CAPN7: variants seen among roughly 807,000 people sequenced by gnomAD.
The protein encoded by CAPN7 is calpain 7.
A neutral mutation model predicts 115.2 loss-of-function variants in CAPN7; 72 were observed. That is an observed-to-expected ratio of 0.63 (90% CI 0.52 to 0.76). The LOEUF is 0.76. Among genes scored for constraint, CAPN7 ranks in the 30% least tolerant of loss-of-function variants. The pLI, the probability that CAPN7 is intolerant of heterozygous loss-of-function variation, is 0.00. For missense variants in CAPN7, 905 were observed against 971.5 expected, an observed-to-expected ratio of 0.93 and a Z score of 0.91; for synonymous variants, 344 against 322.3, an observed-to-expected ratio of 1.07 and a Z score of -0.72.
chr3:15,232,783 C>T, intron 10 of CAPN7, 118 bp downstream of exon 10: 1 of 807,928 alleles, frequency 1.2e-6, no homozygotes, highest in African/African-American at 1.8e-5. Context: ...GATTATCAAC[C>T]CCTGAAACAG....
rs1284079582 is a variant in CAPN7 at position 15,230,423 on chromosome 3, T to C, written c.939-19T>C. 6.6e-7 allele frequency: 1 copy of C among 1,509,438 alleles called. No individual in the cohort carries two copies. Among genetic ancestry groups the C allele is most frequent in the Non-Finnish European group, 9.2e-7 (1 of 1,085,164 alleles). The allele number at this position is 1,509,438 out of a possible 1,614,324, so 93.5% of individuals were successfully genotyped here. A position where few individuals can be genotyped will look rare whatever the true frequency, so the allele number is the denominator to read the frequency against. ...GAATACTAATGTTGGTATTTTAATA[T>C]TTATTTTTCTTACAAAAGCATAATT... On this transcript the variant is annotated intron_variant, in intron 8 of 20. Transcript: ENST00000253693.
chr3:15,248,082 G>T (rs1004531752), intron 19 of CAPN7, among the ~76,000 whole-genome samples: 7 of 152,080 alleles, frequency 4.6e-5, no homozygotes, highest in Middle Eastern at 3.4e-3. Flanking sequence ...GCTAGATGAC[G>T]AGTTAGTGGG....
At chr3:15,230,392 G>T in intron 8 of CAPN7, 50 bp from the exon 9 acceptor site, 1 of 1,197,404 alleles carries the variant, frequency 8.4e-7, no homozygotes, top group South Asian at 1.2e-5. Context: ...TATAGTAGTT[G>T]ATATTGAATA....
chr3:15,233,674 G>A (rs1350912986), intron 10 of CAPN7, among the ~76,000 whole-genome samples, 193 bp from the exon 11 acceptor site: 1 of 152,118 alleles, frequency 6.6e-6, no homozygotes, highest in Non-Finnish European at 1.5e-5. Flanking sequence ...AAGATTGTAG[G>A]GAAAAATATG....
intron 19 of CAPN7, among the ~76,000 whole-genome samples, chr3:15,250,107 T>C (rs1695915720): frequency 6.8e-6 from 1 of 147,670 alleles, no homozygotes; most frequent in South Asian, 2.4e-4. Context: ...GCGTGGTGGC[T>C]CAAGGCTGTA....
rs112213677 is a variant in CAPN7, at chr3:15,241,761, T to C, written c.1788+173T>C. ...TAAGGAAATTTGTATTTTATAATTATACACTTAAAATCTTGTTCAAAAGTC... is the reference window on the plus strand; with the variant it reads ...TAAGGAAATTTGTATTTTATAATTACACACTTAAAATCTTGTTCAAAAGTC... On this transcript the variant is annotated intron_variant, in intron 15 of 20. Transcript: ENST00000253693. Among the ~76,000 whole-genome samples the C allele has an allele frequency of 2.7e-3, 414 of 152,334 alleles. 5 individuals carry two copies. The highest frequency in any genetic ancestry group is 9.5e-3 in the African/African-American group (393 of 41,564).
At chr3:15,243,533 A>G (rs1448473352) in intron 16 of CAPN7, among the ~76,000 whole-genome samples, 1 of 152,090 alleles carries the variant, frequency 6.6e-6, no homozygotes, top group East Asian at 1.9e-4. Context: ...TGACCCTTGG[A>G]CTCTCAGACA....
intron 19 of CAPN7, among the ~76,000 whole-genome samples, chr3:15,248,319 T>C (rs1461919934): frequency 6.6e-6 from 1 of 152,222 alleles, no homozygotes; most frequent in Non-Finnish European, 1.5e-5. Context: ...TATAGTCATA[T>C]AATAGTCCTG....
At chr3:15,225,280 C>T (rs1180914562) in intron 6 of CAPN7, among the ~76,000 whole-genome samples, 1 of 152,112 alleles carries the variant, frequency 6.6e-6, no homozygotes, top group Non-Finnish European at 1.5e-5. Context: ...CTTCAGGAAT[C>T]CAGTTGTAAG....
intron 12 of CAPN7, among the ~76,000 whole-genome samples, chr3:15,235,813 G>C (rs73140135): frequency 0.052 from 7,960 of 152,154 alleles, 727 homozygotes; most frequent in African/African-American, 0.18. Flanking sequence ...TCTGTGGCCC[G>C]GGGGTTGGGG....
At chr3:15,237,084 C>G (rs76541594) in intron 12 of CAPN7, among the ~76,000 whole-genome samples, 3 of 152,170 alleles carry the variant, frequency 2.0e-5, no homozygotes, top group African/African-American at 7.2e-5. Flanking sequence ...CCATTACCAT[C>G]GGAGCAGCCC....
intron 19 of CAPN7, among the ~76,000 whole-genome samples, chr3:15,249,005 C>CAA (rs1575257559): frequency 1.6e-5 from 1 of 61,726 alleles, no homozygotes; most frequent in East Asian, 3.5e-4. Context: ...CATACAACAA[C>CAA]CAAAAAAAAA....
chr3:15,229,030 A>G lies in CAPN7; in HGVS notation c.909A>G (p.Glu303=). The change falls in exon 8 of 21, where the codon GAA becomes GAG. Residue 303 remains glutamate (E), a synonymous_variant. Coordinates refer to ENST00000253693, the MANE Select transcript of CAPN7 (RefSeq NM_014296.3). Reference sequence around the variant, plus strand: ...CACTGGCCATCAGTGCAGCTTATGAAAGACGTTTTAATAAGAAGTTAATTA... The same window carrying G: ...CACTGGCCATCAGTGCAGCTTATGAGAGACGTTTTAATAAGAAGTTAATTA... ...VASLAISAAY[E]RRFNKKLITG... is the part of the protein sequence containing the mutation. The G allele has an allele frequency of 6.2e-7, 1 of 1,613,498 alleles. No individual in the cohort carries two copies. Among genetic ancestry groups the G allele is most frequent in the Non-Finnish European group, 8.5e-7 (1 of 1,179,552 alleles).
chr3:15,229,205 A>G, intron 8 of CAPN7, 146 bp downstream of exon 8: 1 of 623,678 alleles, frequency 1.6e-6, no homozygotes, highest in Non-Finnish European at 2.9e-6. Context: ...ATGATTTATG[A>G]ATGTGGAAAG....
chr3:15,235,276 C>T (rs763201919), intron 12 of CAPN7, 131 bp downstream of exon 12: 12 of 742,644 alleles, frequency 1.6e-5, no homozygotes, highest in Non-Finnish European at 2.5e-5. Context: ...ATTTCACCTA[C>T]ATTAACTTGA....
At chr3:15,241,655 G>A in intron 15 of CAPN7, 67 bp downstream of exon 15, 1 of 1,385,196 alleles carries the variant, frequency 7.2e-7, no homozygotes, top group Admixed American at 2.0e-5. Context: ...CATTGTGAAA[G>A]ACATACGTAA....
intron 9 of CAPN7, among the ~76,000 whole-genome samples, chr3:15,231,270 G>A (rs1355823292): frequency 6.6e-6 from 1 of 152,120 alleles, no homozygotes; most frequent in Admixed American, 6.5e-5. Context: ...TGGACCTCAC[G>A]CCCAGAGTTT....
At chr3:15,245,427 TAAG>T in intron 16 of CAPN7, 96 bp from the exon 17 acceptor site, 2 of 1,068,280 alleles carry the variant, frequency 1.9e-6, no homozygotes, top group Non-Finnish European at 2.7e-6. Context: ...GAGAATCAGT[TAAG>T]GAGATGTCCA....
chr3:15,249,006 C>CAAAAAAAAAAAAA (rs1460568964), intron 19 of CAPN7, among the ~76,000 whole-genome samples: 18 of 50,654 alleles, frequency 3.6e-4, no homozygotes, highest in Admixed American at 1.3e-3. Flanking sequence ...ATACAACAAC[C>CAAAAAAAAAAAAA]AAAAAAAAAA....
Sources: allele counts gnomAD v4.1 joint callset (sites outside exome capture counted in the v4.1 genomes callset), GRCh38; gene constraint gnomAD v4.1.1; transcripts MANE v1.5; gene names NCBI Gene and HGNC (gene_info 2026-07-23, HGNC 2026-07-21).